Variants in TAFA1 observed in about 807,000 individuals in gnomAD.
TAFA1 encodes the protein chemokine-like protein TAFA-1.
In TAFA1, 4 loss-of-function variants were observed where a neutral mutation model predicts 18.5. That is an observed-to-expected ratio of 0.22 (90% CI 0.11 to 0.49). TAFA1 has a LOEUF of 0.49. Among genes scored for constraint, TAFA1 ranks in the 20% least tolerant of loss-of-function variants. The pLI is 0.98. For synonymous variants in TAFA1, 56 were observed against 55.2 expected (o/e 1.01, Z -0.06); for missense variants, 147 against 169.0 (o/e 0.87, Z 0.72).
intron 2 of TAFA1, among the ~76,000 whole-genome samples, chr3:68,312,784 G>C (rs556126576): frequency 6.6e-6 from 1 of 152,066 alleles, no homozygotes; most frequent in Non-Finnish European, 1.5e-5. Context: ...ACATTTTCAG[G>C]TATCTTTTCA....
At chr3:68,101,485 A>G (rs2065147320) in intron 2 of TAFA1, among the ~76,000 whole-genome samples, 1 of 152,094 alleles carries the variant, frequency 6.6e-6, no homozygotes, top group South Asian at 2.1e-4. Context: ...CACATATACC[A>G]TGGAATACTA....
intron 2 of TAFA1, among the ~76,000 whole-genome samples, chr3:68,006,973 C>T (rs1175973186): frequency 6.6e-6 from 1 of 152,206 alleles, no homozygotes; most frequent in African/African-American, 2.4e-5. Flanking sequence ...TGTCACCCCA[C>T]CTGCTTCTAC....
intron 3 of TAFA1, among the ~76,000 whole-genome samples, chr3:68,535,011 T>A (rs1317290661): frequency 6.6e-6 from 1 of 152,180 alleles, no homozygotes; most frequent in Admixed American, 6.6e-5. Context: ...CTTCTCATGC[T>A]AAGATCAAAG....
At chr3:68,203,951 C>T (rs113465276) in intron 2 of TAFA1, among the ~76,000 whole-genome samples, 2 of 9,834 alleles carry the variant, frequency 2.0e-4, no homozygotes, top group African/African-American at 3.4e-4. Context: ...ATGTCAAAGG[C>T]CCCCCCCACC....
chr3:68,306,435 A>C (rs760570055), intron 2 of TAFA1, among the ~76,000 whole-genome samples: 12 of 152,148 alleles, frequency 7.9e-5, no homozygotes, highest in Non-Finnish European at 1.8e-4. Flanking sequence ...GCTACCCTAG[A>C]GGGTTTGTCT....
intron 2 of TAFA1, among the ~76,000 whole-genome samples, chr3:68,057,207 A>G (rs1019349185): frequency 6.6e-6 from 1 of 152,220 alleles, no homozygotes; most frequent in Non-Finnish European, 1.5e-5. Context: ...TAGATTTGGC[A>G]GTGTGATAAT....
At chr3:68,287,840 A>G (rs2068038878) in intron 2 of TAFA1, among the ~76,000 whole-genome samples, 1 of 139,602 alleles carries the variant, frequency 7.2e-6, no homozygotes, top group South Asian at 2.3e-4. Flanking sequence ...CCTGGATTGA[A>G]GAACATTTTT....
intron 2 of TAFA1, among the ~76,000 whole-genome samples, chr3:68,260,443 C>T (rs865901404): frequency 1.3e-5 from 2 of 152,068 alleles, no homozygotes; most frequent in Non-Finnish European, 2.9e-5. Context: ...CAGGATGATG[C>T]TGGCCTCATA....
intron 2 of TAFA1, among the ~76,000 whole-genome samples, chr3:68,075,734 T>C (rs929128180): frequency 1.3e-5 from 2 of 151,090 alleles, no homozygotes; most frequent in African/African-American, 4.9e-5. Context: ...TTTTGCTCTG[T>C]CACCCAGGCT....
chr3:68,434,965 C>A (rs2071244522), intron 3 of TAFA1, among the ~76,000 whole-genome samples: 1 of 151,948 alleles, frequency 6.6e-6, no homozygotes, highest in South Asian at 2.1e-4. Context: ...ATAGAGTGAC[C>A]AATAGGACAT....
chr3:68,063,594 A>G (rs1249903374), intron 2 of TAFA1, among the ~76,000 whole-genome samples: 1 of 152,158 alleles, frequency 6.6e-6, no homozygotes, highest in Non-Finnish European at 1.5e-5. Context: ...TAGAAATCTC[A>G]GGTATTTTTA....
At chr3:68,384,652 G>T (rs2070051747) in intron 2 of TAFA1, among the ~76,000 whole-genome samples, 1 of 151,976 alleles carries the variant, frequency 6.6e-6, no homozygotes, top group South Asian at 2.1e-4. Flanking sequence ...TTGTTTTGGG[G>T]TAGAGAATTC....
intron 2 of TAFA1, among the ~76,000 whole-genome samples, chr3:68,020,057 C>T (rs1704655600): frequency 6.6e-6 from 1 of 152,202 alleles, no homozygotes; most frequent in African/African-American, 2.4e-5. Context: ...TACTATATGT[C>T]ACATACTGGG....
At chr3:68,193,122 G>A (rs1422683798) in intron 2 of TAFA1, among the ~76,000 whole-genome samples, 1 of 151,686 alleles carries the variant, frequency 6.6e-6, no homozygotes, top group Non-Finnish European at 1.5e-5. Flanking sequence ...CACAGTACCT[G>A]CCTCTTCTTC....
At chr3:68,257,583 T>C (rs2067324205) in intron 2 of TAFA1, among the ~76,000 whole-genome samples, 1 of 152,180 alleles carries the variant, frequency 6.6e-6, no homozygotes, top group Middle Eastern at 3.2e-3. Context: ...CTCATGATTT[T>C]ATTTAATCCT....
intron 2 of TAFA1, among the ~76,000 whole-genome samples, chr3:68,129,720 TCTC>T (rs953046812): frequency 3.3e-5 from 5 of 152,292 alleles, no homozygotes; most frequent in South Asian, 2.1e-4. Flanking sequence ...TTGTGAAAGA[TCTC>T]CTGGTGTGTC....
intron 2 of TAFA1, among the ~76,000 whole-genome samples, chr3:68,010,913 T>C (rs980963314): frequency 6.6e-6 from 1 of 152,090 alleles, no homozygotes; most frequent in Non-Finnish European, 1.5e-5. Context: ...CACTAAAAAA[T>C]GAAAACTCAA....
At chr3:68,301,706 G>A (rs983277789) in intron 2 of TAFA1, among the ~76,000 whole-genome samples, 1 of 152,138 alleles carries the variant, frequency 6.6e-6, no homozygotes, top group Non-Finnish European at 1.5e-5. Flanking sequence ...TCATAACTGA[G>A]TTAAAAACTA....
intron 2 of TAFA1, among the ~76,000 whole-genome samples, chr3:68,054,758 T>C (rs1175541241): frequency 1.3e-5 from 2 of 152,170 alleles, no homozygotes; most frequent in Non-Finnish European, 2.9e-5. Context: ...AACCTCTGAG[T>C]TTAATTGATT....
Sources: allele counts gnomAD v4.1 joint callset (sites outside exome capture counted in the v4.1 genomes callset), GRCh38; gene constraint gnomAD v4.1.1; transcripts MANE v1.5; gene names NCBI Gene and HGNC (gene_info 2026-07-23, HGNC 2026-07-21).